USP53: variants seen among roughly 807,000 people sequenced by gnomAD.
The protein encoded by USP53 is ubiquitin carboxyl-terminal hydrolase 53.
USP53 carries 71 observed loss-of-function variants against 94.9 expected under a neutral mutation model. That is an observed-to-expected ratio of 0.75 (90% CI 0.62 to 0.91). USP53 has a LOEUF of 0.91. Ranked by LOEUF, USP53 falls within the 40% of genes least tolerant of loss-of-function variation. The pLI, the probability that USP53 is intolerant of heterozygous loss-of-function variation, is 0.00. For missense variants in USP53, 1,173 were observed against 1,281.0 expected (o/e 0.92, Z 1.29); for synonymous variants, 375 against 422.7 (o/e 0.89, Z 1.39).
chr4:119,248,377 C>T (rs911959454), intron 6 of USP53, among the ~76,000 whole-genome samples: 5 of 124,938 alleles, frequency 4.0e-5, no homozygotes, highest in African/African-American at 1.5e-4. Context: ...GCAAACATTT[C>T]TACACTTGAT....
At chr4:119,267,160 A>G (rs7658445) in intron 12 of USP53, among the ~76,000 whole-genome samples, 160 bp from the exon 13 acceptor site, 7,055 of 152,330 alleles carry the variant, frequency 0.046, 222 homozygotes, top group Middle Eastern at 0.085. Flanking sequence ...TATTTAGACT[A>G]GTTACTAAAT....
chr4:119,235,339 G>T lies in USP53; in HGVS notation c.-615G>T. Reference sequence around the variant, plus strand: ...GCTGGAGTGCAGTGGTGCAGTCTTAGCTTACTGCAGCCTCAAACTTCTGGG... The same window carrying T: ...GCTGGAGTGCAGTGGTGCAGTCTTATCTTACTGCAGCCTCAAACTTCTGGG... On this transcript the variant is annotated 5_prime_UTR_variant, in exon 4 of 19. Coordinates refer to ENST00000692078, the MANE Select transcript of USP53 (RefSeq NM_001371395.1). The T allele has an allele frequency of 6.6e-6, 1 of 152,390 alleles. No homozygotes were observed. The highest frequency in any genetic ancestry group is 2.4e-5 in the African/African-American group (1 of 41,570). The allele number at this position is 152,390 out of a possible 1,614,324, so 9.4% of individuals were successfully genotyped here.
intron 12 of USP53, 137 bp downstream of exon 12, chr4:119,262,001 T>A (rs929754730): frequency 1.2e-6 from 1 of 826,232 alleles, no homozygotes; most frequent in African/African-American, 1.8e-5. Context: ...GATGATAGCA[T>A]CAGTAAGTTC....
chr4:119,254,760 C>T (rs189934393), intron 7 of USP53, among the ~76,000 whole-genome samples: 2 of 152,238 alleles, frequency 1.3e-5, no homozygotes, highest in South Asian at 2.1e-4. Flanking sequence ...AGTTTTGTTA[C>T]CTTGCAGGTG....
At chr4:119,249,363 T>C (rs1748661732) in intron 7 of USP53, among the ~76,000 whole-genome samples, 2 of 152,190 alleles carry the variant, frequency 1.3e-5, no homozygotes, top group African/African-American at 4.8e-5. Flanking sequence ...TCTCAGGCTC[T>C]GTGTTACCAC....
intron 6 of USP53, 116 bp from the exon 7 acceptor site, chr4:119,248,632 A>C (rs1192828668): frequency 7.9e-7 from 1 of 1,264,842 alleles, no homozygotes; most frequent in Non-Finnish European, 1.1e-6. Context: ...TTAGAGCAAA[A>C]GACTTCTGTA....
chr4:119,249,272 G>A (rs1470304416), intron 7 of USP53, among the ~76,000 whole-genome samples: 1 of 152,104 alleles, frequency 6.6e-6, no homozygotes, highest in Admixed American at 6.5e-5. Flanking sequence ...GAGAGAAGGG[G>A]ATTTTGGTGG....
intron 3 of USP53, among the ~76,000 whole-genome samples, chr4:119,229,213 A>G (rs1289725390): frequency 6.6e-6 from 1 of 152,220 alleles, no homozygotes; most frequent in Non-Finnish European, 1.5e-5. Context: ...TGTGAAATAA[A>G]GACTAAAATA....
rs749927436 is a variant in USP53 at position 119,245,387 on chromosome 4, A to C, written c.195A>C (p.Gly65=). 6.2e-7 allele frequency: 1 copy of C among 1,613,722 alleles called. No individual in the cohort carries two copies. The highest frequency in any genetic ancestry group is 8.5e-7 in the Non-Finnish European group (1 of 1,179,882). The part of the protein sequence containing the change: ...IFRRSLRVLT[G]HVCQGDACIF... ...GACGAAGCTTGCGGGTTTTGACTGGACATGTTTGTCAGGGAGATGCCTGTA... is the reference window on the plus strand; with the variant it reads ...GACGAAGCTTGCGGGTTTTGACTGGCCATGTTTGTCAGGGAGATGCCTGTA... The change falls in exon 6 of 19, where the codon GGA becomes GGC. Residue 65 remains glycine, a synonymous_variant. Coordinates refer to ENST00000692078, the MANE Select transcript of USP53 (RefSeq NM_001371395.1).
At chr4:119,234,194 G>C (rs369747684) in intron 3 of USP53, among the ~76,000 whole-genome samples, 1 of 152,144 alleles carries the variant, frequency 6.6e-6, no homozygotes. Flanking sequence ...GCATCCTGTA[G>C]GGTAGAAATT....
chr4:119,213,641 G>GATAGATATATAT (rs1553961988), intron 1 of USP53, among the ~76,000 whole-genome samples: 2 of 108,114 alleles, frequency 1.8e-5, no homozygotes, highest in Non-Finnish European at 3.6e-5. Context: ...TCTGGAAATA[G>GATAGATATATAT]ATATATATAT....
rs1167030393 is a variant in USP53 at position 119,295,478 on chromosome 4, T to C, written c.*2267T>C. 1.3e-5 allele frequency: 2 copies of C among 152,204 alleles called. No homozygotes were observed. The highest frequency in any genetic ancestry group is 1.3e-4 in the Admixed American group (2 of 15,282). 9.4% of individuals were successfully genotyped at this position (152,204 alleles called of 1,614,324 possible). A position where few individuals can be genotyped will look rare whatever the true frequency, so the allele number is the denominator to read the frequency against. On this transcript the variant is annotated 3_prime_UTR_variant, in exon 19 of 19. Transcript: ENST00000692078. ...ATTTTCATGTGAAATCAATTTCTTC[T>C]AATTCAAAAAAATTTTAAGATAAAC... is the stretch of plus-strand genomic sequence containing the variant.
intron 3 of USP53, among the ~76,000 whole-genome samples, chr4:119,227,047 C>T (rs1370475670): frequency 6.6e-6 from 1 of 151,674 alleles, no homozygotes; most frequent in African/African-American, 2.4e-5. Context: ...GCCCAAGGTG[C>T]TCTCAAACTC....
intron 17 of USP53, among the ~76,000 whole-genome samples, chr4:119,279,371 C>T (rs13125922): frequency 0.03 from 4,474 of 149,948 alleles, 81 homozygotes; most frequent in Middle Eastern, 0.049. Context: ...TGTGAGGTGT[C>T]AGTGTGCCCC....
chr4:119,289,384 G>A (rs1173361128), intron 17 of USP53, among the ~76,000 whole-genome samples: 2 of 152,076 alleles, frequency 1.3e-5, no homozygotes, highest in Non-Finnish European at 2.9e-5. Flanking sequence ...AGTGTAAATG[G>A]CAACACAGTC....
In USP53 at chr4:119,256,445, T is replaced by C. The variant is rs201235581; in HGVS notation, c.491T>C (p.Val164Ala). 2.9e-5 allele frequency: 47 copies of C among 1,614,116 alleles called. No individual in the cohort carries two copies. In the East Asian group the frequency reaches 3.1e-4, roughly 11 times the overall value. ...KFAMTLYEQCVCRSCGASSDP... is the reference protein window; with the variant it reads ...KFAMTLYEQCACRSCGASSDP... ...CATATGTTTTTACCTATATAGTGTGTGTGTCGTAGCTGTGGAGCATCGTCA... is the reference window on the plus strand; with the variant it reads ...CATATGTTTTTACCTATATAGTGTGCGTGTCGTAGCTGTGGAGCATCGTCA... The change falls in exon 9 of 19, where the codon GTG (valine) becomes GCG (alanine). Residue 164 changes from valine (V) to alanine (A), a missense_variant. Coordinates refer to ENST00000692078, the MANE Select transcript of USP53 (RefSeq NM_001371395.1).
In USP53 at chr4:119,292,345, G is replaced by A. The variant is rs978176096; in HGVS notation, c.2356G>A (p.Val786Ile). The A allele has an allele frequency of 1.3e-6, 2 of 1,591,762 alleles. No individual in the cohort carries two copies. Among genetic ancestry groups the A allele is most frequent in the South Asian group, 1.1e-5 (1 of 86,994 alleles). The change falls in exon 19 of 19, where the codon GTA becomes ATA. Residue 786 changes from valine (V) to isoleucine (I), a missense_variant. Transcript: ENST00000692078. ...TTTATTTTCATATTTCAGATCACAT[G>A]TACATGAAGACAATGGAAAGTTATT... ...IKNHLIKRSH[V>I]HEDNGKLFPS... is the part of the protein sequence containing the mutation.
At chr4:119,275,578 C>T (rs1455496376) in intron 17 of USP53, among the ~76,000 whole-genome samples, 14 of 150,316 alleles carry the variant, frequency 9.3e-5, no homozygotes, top group African/African-American at 2.0e-4. Context: ...CTTGGCGATG[C>T]GGGCTCTTTT....
intron 5 of USP53, among the ~76,000 whole-genome samples, chr4:119,241,675 G>T (rs920433233): frequency 2.0e-5 from 3 of 152,092 alleles, no homozygotes; most frequent in Admixed American, 1.3e-4. Context: ...GCAATTTAAT[G>T]ATGTTTCTTG....
Sources: gnomAD v4.1 joint callset for allele counts (sites outside exome capture counted in the v4.1 genomes callset) on GRCh38, gnomAD v4.1.1 for gene constraint, MANE v1.5 for transcripts, NCBI Gene and HGNC (gene_info 2026-07-23, HGNC 2026-07-21) for gene names.